The following SORBS3 variants were observed in gnomAD, a reference collection of about 807,000 sequenced individuals.
The protein encoded by SORBS3 is sorbin and SH3 domain containing 3.
SORBS3 carries 69 observed loss-of-function variants against 98.0 expected under a neutral mutation model. The observed-to-expected ratio is 0.70, with a 90% confidence interval of 0.58 to 0.86. The LOEUF is 0.86. Among genes scored for constraint, SORBS3 ranks in the 40% least tolerant of loss-of-function variants. The pLI is 0.00. For synonymous variants in SORBS3, 394 were observed against 355.4 expected (o/e 1.11, Z -1.22); for missense variants, 954 against 908.5 (o/e 1.05, Z -0.64).
Position 22,554,300 on chromosome 8 carries a change from C to A in SORBS3, c.-55-152C>A. 1.4e-6 allele frequency: 1 copy of A among 716,386 alleles called. No individual in the cohort carries two copies. Among genetic ancestry groups the A allele is most frequent in the Non-Finnish European group, 2.1e-6 (1 of 472,464 alleles). 44.4% of individuals were successfully genotyped at this position (716,386 alleles called of 1,614,324 possible). ...GGGCAGCCTGCAGGCGGGTGCCTGG[C>A]GTGGCCTGTTTCCTGGGTCCTTGAG... On this transcript the variant is annotated intron_variant, in intron 1 of 20. Coordinates refer to ENST00000240123, the MANE Select transcript of SORBS3 (RefSeq NM_005775.5). The surrounding 1 kb of genome is among the most constrained non-coding windows in gnomAD (Gnocchi z 6.5).
chr8:22,560,008 A>C (rs1795831300), intron 5 of SORBS3, among the ~76,000 whole-genome samples: 1 of 150,884 alleles, frequency 6.6e-6, no homozygotes, highest in African/African-American at 2.4e-5. Flanking sequence ...CAGAGGTTGC[A>C]GTGAGCTGAG....
chr8:22,572,549 C>T (rs530976500), intron 20 of SORBS3, 103 bp downstream of exon 20: 6 of 906,226 alleles, frequency 6.6e-6, no homozygotes, highest in South Asian at 1.5e-5. Flanking sequence ...TGGCCGACCA[C>T]CCCCCGACTC....
Position 22,554,843 on chromosome 8 carries a change from C to G in SORBS3, c.103-20C>G. On this transcript the variant is annotated intron_variant, in intron 2 of 20. Coordinates refer to ENST00000240123, the MANE Select transcript of SORBS3 (RefSeq NM_005775.5). This position sits in a 1 kb window ranked among gnomAD's most constrained non-coding sequence, Gnocchi z 6.5. ...CGCCCTGCTGGGCCCTGAGCTGCCGCTCCTGGCCCCTCCCCGCAGGTGCCC... is the reference window on the plus strand; with the variant it reads ...CGCCCTGCTGGGCCCTGAGCTGCCGGTCCTGGCCCCTCCCCGCAGGTGCCC... The G allele has an allele frequency of 6.2e-7, 1 of 1,603,442 alleles. No homozygotes were observed. Among genetic ancestry groups the G allele is most frequent in the African/African-American group, 1.3e-5 (1 of 74,830 alleles).
At chr8:22,565,921 G>A in intron 12 of SORBS3, 49 bp downstream of exon 12, 1 of 1,185,714 alleles carries the variant, frequency 8.4e-7, no homozygotes, top group Middle Eastern at 3.3e-4. Flanking sequence ...AGGCCGGGCG[G>A]GAGGGAACGT....
At chr8:22,564,601 C>T (rs968240489) in intron 10 of SORBS3, 80 bp downstream of exon 10, 2 of 1,561,860 alleles carry the variant, frequency 1.3e-6, no homozygotes, top group African/African-American at 2.7e-5. Flanking sequence ...TAACCATGGG[C>T]ATAGGCCACG....
intron 5 of SORBS3, among the ~76,000 whole-genome samples, chr8:22,560,359 A>G (rs1321922646): frequency 2.6e-5 from 4 of 152,038 alleles, no homozygotes; most frequent in Non-Finnish European, 5.9e-5. Context: ...ACCTAGGGAG[A>G]TAGAGAGACA....
intron 3 of SORBS3, 26 bp downstream of exon 3, chr8:22,555,006 T>A: frequency 6.3e-7 from 1 of 1,588,780 alleles, no homozygotes. Flanking sequence ...AGCCTCATGC[T>A]GGAGATGGAG....
intron 3 of SORBS3, among the ~76,000 whole-genome samples, chr8:22,556,239 G>A (rs1436343378): frequency 6.6e-6 from 1 of 152,130 alleles, no homozygotes; most frequent in African/African-American, 2.4e-5. Context: ...AGTCACACAC[G>A]CTAGATGTCA....
Position 22,571,110 on chromosome 8 carries a change from C to G in SORBS3, c.1632C>G (p.Ser544Arg). ...TAAARSARHP[S>R]SPSALRSPAD... ...CCGCCCGCTCAGCCCGTCACCCCAG[C>G]TCCCCCTCAGCCCTGCGCAGCCCAG... The change falls in exon 18 of 21, where the codon AGC becomes AGG. Residue 544 changes from serine to arginine, a missense_variant. Transcript: ENST00000240123. The G allele has an allele frequency of 6.2e-7, 1 of 1,609,356 alleles. No homozygotes were observed.
In SORBS3 at chr8:22,554,488, C is replaced by A. The variant is rs1238943842; in HGVS notation, c.-19C>A. Reference sequence around the variant, plus strand: ...AGGAGCAGCTGGCTTGCCCGGAGTCCTCCCACCTTGACCCAAGCATGCAGG... The same window carrying A: ...AGGAGCAGCTGGCTTGCCCGGAGTCATCCCACCTTGACCCAAGCATGCAGG... On this transcript the variant is annotated 5_prime_UTR_variant, in exon 2 of 21. Coordinates refer to ENST00000240123, the MANE Select transcript of SORBS3 (RefSeq NM_005775.5). This position sits in a 1 kb window ranked among gnomAD's most constrained non-coding sequence, Gnocchi z 6.5. The A allele has an allele frequency of 6.2e-7, 1 of 1,606,532 alleles. No individual in the cohort carries two copies. The highest frequency in any genetic ancestry group is 2.2e-5 in the East Asian group (1 of 44,878).
rs1349832316 is a variant in SORBS3, at chr8:22,554,906, A to C, written c.146A>C (p.Gln49Pro). 1 of 1,612,902 alleles carries C rather than the reference A, an allele frequency of 6.2e-7. No individual in the cohort carries two copies. The highest frequency in any genetic ancestry group is 8.5e-7 in the Non-Finnish European group (1 of 1,179,644). The change falls in exon 3 of 21, where the codon CAG becomes CCG. Residue 49 changes from glutamine to proline, a missense_variant. Transcript: ENST00000240123. The surrounding 1 kb of genome is among the most constrained non-coding windows in gnomAD (Gnocchi z 6.5). Reference protein sequence around the residue: ...RNGGSNTLNFQFHDPAPRTVC... With the variant: ...RNGGSNTLNFPFHDPAPRTVC... ...GGTGGCTCCAACACCCTTAATTTCC[A>C]GTTCCACGACCCCGCGCCCAGGACT...
chr8:22,572,595 C>T (rs989015819), intron 20 of SORBS3, 149 bp downstream of exon 20: 23 of 666,330 alleles, frequency 3.5e-5, no homozygotes, highest in African/African-American at 1.6e-4. Flanking sequence ...GCCTGGCACC[C>T]GATGCTTCCC....
intron 16 of SORBS3, among the ~76,000 whole-genome samples, chr8:22,568,434 A>G: frequency 6.6e-6 from 1 of 150,882 alleles, no homozygotes; most frequent in Non-Finnish European, 1.5e-5. Flanking sequence ...TTTTTCATCA[A>G]CTCTTGACTG....
At chr8:22,570,023 A>G (rs1364040411) in intron 17 of SORBS3, among the ~76,000 whole-genome samples, 1 of 152,184 alleles carries the variant, frequency 6.6e-6, no homozygotes, top group Admixed American at 6.5e-5. Context: ...GCACATATAT[A>G]TGTATTCTGG....
chr8:22,568,707 T>C (rs1840488181), intron 16 of SORBS3, among the ~76,000 whole-genome samples: 1 of 152,082 alleles, frequency 6.6e-6, no homozygotes, highest in African/African-American at 2.4e-5. Context: ...CTGGGGTAGA[T>C]GGGGAGGAAG....
upstream of SORBS3, among the ~76,000 whole-genome samples, chr8:22,550,717 A>T (rs1172503035): frequency 6.6e-6 from 1 of 151,990 alleles, no homozygotes; most frequent in Non-Finnish European, 1.5e-5. Flanking sequence ...ACACTCCAAA[A>T]CTCCTCGTGG....
intron 4 of SORBS3, among the ~76,000 whole-genome samples, chr8:22,557,642 TAA>T (rs34973499): frequency 6.7e-6 from 1 of 148,594 alleles, no homozygotes; most frequent in African/African-American, 2.5e-5. Context: ...CCTGTCTCTA[TAA>T]AAAAAAAAAT....
intron 20 of SORBS3, among the ~76,000 whole-genome samples, chr8:22,573,656 C>T (rs1465627995): frequency 4.9e-5 from 5 of 102,708 alleles, no homozygotes; most frequent in South Asian, 3.6e-4. Flanking sequence ...GGGAGGTACT[C>T]GGGGCAGAGG....
intron 9 of SORBS3, 24 bp downstream of exon 9, chr8:22,564,393 G>C: frequency 6.2e-7 from 1 of 1,613,674 alleles, no homozygotes; most frequent in Non-Finnish European, 8.5e-7. Flanking sequence ...GGCTCTCGGG[G>C]TGTGCACGCA....
Sources: gnomAD v4.1 joint callset for allele counts (sites outside exome capture counted in the v4.1 genomes callset) on GRCh38, gnomAD v4.1.1 for gene constraint, Gnocchi (gnomAD v3.1) non-coding constraint, MANE v1.5 for transcripts, NCBI Gene and HGNC (gene_info 2026-07-23, HGNC 2026-07-21) for gene names.